Variants in COBL observed in about 807,000 individuals in gnomAD.
COBL encodes protein cordon-bleu.
COBL carries 51 observed loss-of-function variants against 98.8 expected under a neutral mutation model. That is an observed-to-expected ratio of 0.52 (90% CI 0.41 to 0.65). The LOEUF (loss-of-function observed/expected upper bound fraction) is 0.65. Ranked by LOEUF, COBL falls within the 30% of genes least tolerant of loss-of-function variation. The pLI is 0.00. For synonymous variants in COBL, 634 were observed against 651.7 expected (o/e 0.97, Z 0.41); for missense variants, 1,617 against 1,617.5 (o/e 1.00, Z 0.01).
chr7:51,027,784 T>G lies in COBL; in HGVS notation c.3312A>C (p.Pro1104=). The change falls in exon 10 of 13, where the codon CCA becomes CCC. Residue 1104 remains proline (P), a synonymous_variant. Coordinates refer to ENST00000265136, the MANE Select transcript of COBL (RefSeq NM_015198.5). ...GGGCAGAGTGCAGGGATGTGTCTTTTGGGACTGGTCTCTGGACAACAGGTT... is the reference window on the plus strand; with the variant it reads ...GGGCAGAGTGCAGGGATGTGTCTTTGGGGACTGGTCTCTGGACAACAGGTT... ...KFKPVVQRPV[P]KDTSLHSALM... The G allele has an allele frequency of 6.2e-7, 1 of 1,614,248 alleles. No homozygotes were observed. Among genetic ancestry groups the G allele is most frequent in the Non-Finnish European group, 8.5e-7 (1 of 1,180,044 alleles).
chr7:51,309,679 T>C (rs986316697), intron 1 of COBL, among the ~76,000 whole-genome samples: 2 of 152,198 alleles, frequency 1.3e-5, no homozygotes, highest in African/African-American at 4.8e-5. Flanking sequence ...ATTTTAGAGC[T>C]CACATGAGTC....
intron 1 of COBL, chr7:51,259,789 G>A (rs375657568): frequency 4.0e-6 from 3 of 751,240 alleles, no homozygotes; most frequent in South Asian, 1.3e-5. Context: ...GCATTTTTAG[G>A]TTCTGGGGGG....
intron 2 of COBL, among the ~76,000 whole-genome samples, chr7:51,194,898 T>G (rs1790451565): frequency 1.3e-5 from 2 of 152,198 alleles, no homozygotes; most frequent in African/African-American, 2.4e-5. Context: ...TTTAAGTTCC[T>G]TTTAGATGCT....
intron 1 of COBL, among the ~76,000 whole-genome samples, chr7:51,291,436 G>T (rs138005475): frequency 6.6e-6 from 1 of 152,278 alleles, no homozygotes; most frequent in African/African-American, 2.4e-5. Context: ...TTACTGTCAG[G>T]CAGGGTAATG....
rs574886146 is a variant in COBL at position 51,237,412 on chromosome 7, G to T, written c.42-17468C>A. On this transcript the variant is annotated intron_variant, in intron 1 of 12. Transcript: ENST00000265136. Reference sequence around the variant, plus strand: ...AATATTACATTGTAACTTTACTAAAGTTTAAAACACAAATGACAATAATAT... The same window carrying T: ...AATATTACATTGTAACTTTACTAAATTTTAAAACACAAATGACAATAATAT... Among the ~76,000 whole-genome samples the T allele has an allele frequency of 1.1e-4, 17 of 151,844 alleles. No individual in the cohort carries two copies. The East Asian group carries it at 3.1e-3, about 28-fold the overall frequency.
intron 1 of COBL, among the ~76,000 whole-genome samples, chr7:51,254,680 CCTA>C (rs1346079438): frequency 6.6e-6 from 1 of 152,270 alleles, no homozygotes; most frequent in Middle Eastern, 3.4e-3. Context: ...TAGAAAGTGG[CCTA>C]CTGAGTTCTT....
chr7:51,111,602 C>CG (rs1286780096), intron 6 of COBL, among the ~76,000 whole-genome samples: 1 of 152,188 alleles, frequency 6.6e-6, no homozygotes, highest in African/African-American at 2.4e-5. Flanking sequence ...CCTGTCCTCA[C>CG]GACCCATCCA....
At chr7:51,065,129 A>C in intron 7 of COBL, 1 of 696,016 alleles carries the variant, frequency 1.4e-6, no homozygotes, top group Non-Finnish European at 2.6e-6. Context: ...ATAGAAAAAA[A>C]CAAGTGTTAG....
At chr7:51,047,093 T>C (rs1789783044) in intron 7 of COBL, among the ~76,000 whole-genome samples, 2 of 152,256 alleles carry the variant, frequency 1.3e-5, no homozygotes, top group Admixed American at 6.5e-5. Context: ...GGTAAGTCAT[T>C]ATTTTTGAGT....
intron 5 of COBL, among the ~76,000 whole-genome samples, chr7:51,141,097 T>A (rs924259813): frequency 1.3e-5 from 2 of 151,710 alleles, no homozygotes; most frequent in Admixed American, 1.3e-4. Context: ...GGAGATGCTG[T>A]ACCTGAAATC....
intron 1 of COBL, among the ~76,000 whole-genome samples, chr7:51,291,394 G>C (rs961170283): frequency 3.9e-5 from 6 of 152,218 alleles, no homozygotes; most frequent in Non-Finnish European, 8.8e-5. Context: ...GGAAATTTAA[G>C]TATGGACAGG....
At chr7:51,191,125 C>T (rs373997735) in intron 3 of COBL, 47 bp from the exon 4 acceptor site, 110 of 1,535,394 alleles carry the variant, frequency 7.2e-5, no homozygotes, top group Non-Finnish European at 9.1e-5. Context: ...TATCCTCCCA[C>T]AAGCCTTCAA....
intron 7 of COBL, among the ~76,000 whole-genome samples, chr7:51,048,797 A>G (rs1254619507): frequency 2.0e-5 from 3 of 152,212 alleles, no homozygotes; most frequent in Non-Finnish European, 2.9e-5. Flanking sequence ...AAATGTTCTT[A>G]GAAACTTTGA....
In COBL at chr7:51,143,871, G is replaced by A. The variant is rs554860974; in HGVS notation, c.784-7540C>T. 2.0e-5 allele frequency among the ~76,000 whole-genome samples: 3 copies of A among 152,254 alleles called. No individual in the cohort carries two copies. In the South Asian group the frequency reaches 6.2e-4, roughly 32 times the overall value. The stretch of plus-strand genomic sequence containing the variant: ...GTGGTTCAAGAGCCTCTCTTCTGGG[G>A]GAGCAGACTAATTCTCTGATGCACT... On this transcript the variant is annotated intron_variant, in intron 5 of 12. Coordinates refer to ENST00000265136, the MANE Select transcript of COBL (RefSeq NM_015198.5).
chr7:51,128,279 C>T (rs1686233405), intron 6 of COBL, among the ~76,000 whole-genome samples: 1 of 152,150 alleles, frequency 6.6e-6, no homozygotes, highest in Admixed American at 6.5e-5. Context: ...TCATAATTAG[C>T]AAGGATGCCA....
At chr7:51,100,924 C>A (rs1795750703) in intron 6 of COBL, among the ~76,000 whole-genome samples, 1 of 148,790 alleles carries the variant, frequency 6.7e-6, no homozygotes, top group South Asian at 2.1e-4. Flanking sequence ...AAAAAAAAAA[C>A]AACAACAAAA....
intron 1 of COBL, among the ~76,000 whole-genome samples, chr7:51,311,717 TGGG>T (rs984651809): frequency 9.9e-5 from 15 of 151,776 alleles, no homozygotes; most frequent in Non-Finnish European, 2.9e-5. Context: ...AAGTATAAAA[TGGG>T]GGAGATGGAA....
chr7:51,286,974 T>C (rs951523651), intron 1 of COBL, among the ~76,000 whole-genome samples: 4 of 152,216 alleles, frequency 2.6e-5, no homozygotes, highest in Admixed American at 1.3e-4. Flanking sequence ...TGGATGCAGC[T>C]GGATGCCACT....
chr7:51,017,516 A>G lies in COBL; in HGVS notation c.*35T>C. 1 of 1,611,064 alleles carries G rather than the reference A, an allele frequency of 6.2e-7. No homozygotes were observed. Among genetic ancestry groups the G allele is most frequent in the Non-Finnish European group, 8.5e-7 (1 of 1,177,238 alleles). On this transcript the variant is annotated 3_prime_UTR_variant, in exon 13 of 13. Coordinates refer to ENST00000265136, the MANE Select transcript of COBL (RefSeq NM_015198.5). ...TGAGTGACGCCTGTGGGCATATTACAGGTGGGTTTCTGCAATTCTCTGGCC... is the reference window on the plus strand; with the variant it reads ...TGAGTGACGCCTGTGGGCATATTACGGGTGGGTTTCTGCAATTCTCTGGCC...
Sources: allele counts gnomAD v4.1 joint callset (sites outside exome capture counted in the v4.1 genomes callset), GRCh38; gene constraint gnomAD v4.1.1; transcripts MANE v1.5; gene names NCBI Gene and HGNC (gene_info 2026-07-23, HGNC 2026-07-21).